The following GPR107 variants were observed in gnomAD, a reference collection of about 807,000 sequenced individuals.
The protein encoded by GPR107 is protein GPR107.
Under a neutral mutation model 75.5 loss-of-function variants are expected in GPR107, and 31 were observed. The ratio of observed to expected loss-of-function variants is 0.41; its 90% CI spans 0.31 to 0.55. The LOEUF (loss-of-function observed/expected upper bound fraction) is 0.55, where lower values mean the gene tolerates loss of function less well. Ranked by LOEUF, GPR107 falls within the 20% of genes least tolerant of loss-of-function variation. The pLI is 0.26. For missense variants in GPR107, 572 were observed against 665.7 expected, an observed-to-expected ratio of 0.86 and a Z score of 1.55; for synonymous variants, 267 against 251.3, an observed-to-expected ratio of 1.06 and a Z score of -0.59.
chr9:130,094,444 A>T (rs971083633), intron 9 of GPR107, among the ~76,000 whole-genome samples: 29 of 151,956 alleles, frequency 1.9e-4, no homozygotes, highest in African/African-American at 7.0e-4. Context: ...GTGGTGGTGC[A>T]CACCTGTAGT....
chr9:130,076,886 G>GT (rs201956124), intron 3 of GPR107, among the ~76,000 whole-genome samples: 3,121 of 136,114 alleles, frequency 0.023, 112 homozygotes, highest in East Asian at 0.056. Flanking sequence ...GTTTACTTTT[G>GT]TTTTTTGTTT....
chr9:130,054,039 C>T lies in GPR107; in HGVS notation c.107C>T (p.Pro36Leu), dbSNP rs544119046. The T allele has an allele frequency of 8.2e-5, 127 of 1,555,116 alleles. No individual in the cohort carries two copies. Among genetic ancestry groups the T allele is most frequent in the Middle Eastern group, 1.7e-4 (1 of 5,774 alleles). ...GGTTTGCTGCAGTTGCTGGCCGAGCCTGGCCTGGGCCGCGTCCATCACCTG... is the reference window on the plus strand; with the variant it reads ...GGTTTGCTGCAGTTGCTGGCCGAGCTTGGCCTGGGCCGCGTCCATCACCTG... ...MLGLLQLLAE[P>L]GLGRVHHLAL... Residue 36 changes from proline (P) to leucine (L), a missense_variant, in exon 1 of 18, where the codon CCT becomes CTT. Coordinates refer to ENST00000347136, the MANE Select transcript of GPR107 (RefSeq NM_020960.5).
chr9:130,097,424 G>C (rs1330964151), intron 9 of GPR107, among the ~76,000 whole-genome samples: 5 of 151,562 alleles, frequency 3.3e-5, no homozygotes, highest in Non-Finnish European at 5.9e-5. Flanking sequence ...CAAAGTGCTG[G>C]GACTACAGGC....
chr9:130,099,868 CTTTTTTTTTTTTTTTTTTT>C (rs71387314), intron 10 of GPR107, among the ~76,000 whole-genome samples: 36 of 89,996 alleles, frequency 4.0e-4, no homozygotes, highest in Admixed American at 6.9e-4. Context: ...GTTTCCACGA[CTTTTTTTTTTTTTTTTTTT>C]TTTTTTTTTT....
chr9:130,091,695 A>T lies in GPR107; in HGVS notation c.730-553A>T, dbSNP rs1225548477. ...AGGCGCCTTTCACAATGCCTGGCTAATTTTTTTTTTTTTTTTTCCAGACGG... is the reference window on the plus strand; with the variant it reads ...AGGCGCCTTTCACAATGCCTGGCTATTTTTTTTTTTTTTTTTTCCAGACGG... On this transcript the variant is annotated intron_variant, in intron 8 of 17. Coordinates refer to ENST00000347136, the MANE Select transcript of GPR107 (RefSeq NM_020960.5). Among the ~76,000 whole-genome samples the T allele has an allele frequency of 2.7e-4, 35 of 131,520 alleles. No individual in the cohort carries two copies. The East Asian group carries it at 7.1e-3, about 27-fold the overall frequency. The allele number at this position is 131,520 out of a possible 152,430, so 86.3% of individuals were successfully genotyped here.
intron 6 of GPR107, among the ~76,000 whole-genome samples, chr9:130,084,573 T>G (rs1830572128): frequency 1.3e-5 from 2 of 151,044 alleles, no homozygotes; most frequent in Admixed American, 6.6e-5. Context: ...AGCCCAGGAG[T>G]TCAAGACCAG....
At chr9:130,125,924 G>A (rs766443341) in intron 15 of GPR107, among the ~76,000 whole-genome samples, 19 of 151,820 alleles carry the variant, frequency 1.3e-4, no homozygotes, top group Non-Finnish European at 2.2e-4. Flanking sequence ...GCATGGTGGC[G>A]TGTGCTTGTA....
intron 1 of GPR107, among the ~76,000 whole-genome samples, chr9:130,064,807 C>T (rs1355929377): frequency 3.4e-4 from 51 of 152,042 alleles, no homozygotes; most frequent in Non-Finnish European, 4.4e-5. Flanking sequence ...GGGAAGAAGG[C>T]GATGTGATGG....
intron 14 of GPR107, among the ~76,000 whole-genome samples, chr9:130,121,606 C>A (rs984785919): frequency 1.3e-5 from 2 of 152,232 alleles, no homozygotes; most frequent in African/African-American, 4.8e-5. Flanking sequence ...GCTCTCTCAC[C>A]TCTGAGCCTC....
intron 14 of GPR107, among the ~76,000 whole-genome samples, chr9:130,118,689 G>A (rs932751332): frequency 2.6e-5 from 4 of 151,892 alleles, no homozygotes; most frequent in Admixed American, 6.6e-5. Context: ...CCCCTGCAGA[G>A]GTTTCAGCAT....
intron 9 of GPR107, among the ~76,000 whole-genome samples, chr9:130,095,206 C>T (rs1564672254): frequency 1.3e-5 from 2 of 151,784 alleles, no homozygotes; most frequent in African/African-American, 4.9e-5. Flanking sequence ...GATTCTTAGA[C>T]ATGTTGTGTG....
intron 1 of GPR107, among the ~76,000 whole-genome samples, chr9:130,057,854 A>T (rs1589475864): frequency 6.9e-6 from 1 of 145,384 alleles, no homozygotes; most frequent in Admixed American, 7.0e-5. Context: ...TTTTTGAGAC[A>T]GAGTTTTGCT....
intron 9 of GPR107, among the ~76,000 whole-genome samples, 199 bp downstream of exon 9, chr9:130,092,580 C>A (rs997569871): frequency 1.3e-5 from 2 of 151,660 alleles, no homozygotes; most frequent in African/African-American, 4.8e-5. Flanking sequence ...CTGTTCACTT[C>A]CTGTTGTTTT....
chr9:130,102,862 C>T (rs1207287164), intron 12 of GPR107, among the ~76,000 whole-genome samples: 3 of 152,176 alleles, frequency 2.0e-5, no homozygotes, highest in East Asian at 1.9e-4. Context: ...TGGCTCACTG[C>T]AGCCCTAAAC....
At chr9:130,066,291 C>T (rs576447889) in intron 1 of GPR107, among the ~76,000 whole-genome samples, 1 of 151,952 alleles carries the variant, frequency 6.6e-6, no homozygotes, top group Non-Finnish European at 1.5e-5. Context: ...AAGAGTGAAA[C>T]TCTGTCCCAA....
At chr9:130,070,219 C>A (rs1462879394) in intron 1 of GPR107, among the ~76,000 whole-genome samples, 2 of 150,910 alleles carry the variant, frequency 1.3e-5, no homozygotes, top group Non-Finnish European at 2.9e-5. Context: ...CCAGGCCGGC[C>A]TTAAAATACG....
chr9:130,054,196 C>A, intron 1 of GPR107, 123 bp downstream of exon 1: 1 of 961,074 alleles, frequency 1.0e-6, no homozygotes, highest in Non-Finnish European at 1.5e-6. Context: ...TGGCTGCGGC[C>A]TTTCACTGAC....
At chr9:130,058,364 CCCA>C (rs1464687589) in intron 1 of GPR107, among the ~76,000 whole-genome samples, 1 of 152,188 alleles carries the variant, frequency 6.6e-6, no homozygotes, top group East Asian at 1.9e-4. Context: ...AATTCCCATT[CCCA>C]CCACTAGTCC....
intron 9 of GPR107, among the ~76,000 whole-genome samples, chr9:130,093,968 A>G (rs1193434237): frequency 6.6e-6 from 1 of 152,168 alleles, no homozygotes; most frequent in Non-Finnish European, 1.5e-5. Flanking sequence ...GCATGTGCCA[A>G]CATACCCAGC....
Sources: allele counts gnomAD v4.1 joint callset (sites outside exome capture counted in the v4.1 genomes callset), GRCh38; gene constraint gnomAD v4.1.1; transcripts MANE v1.5; gene names NCBI Gene and HGNC (gene_info 2026-07-23, HGNC 2026-07-21).